The following ANK3 variants were observed in gnomAD, a reference collection of about 807,000 sequenced individuals.
The protein encoded by ANK3 is ankyrin 3.
A neutral mutation model predicts 370.9 loss-of-function variants in ANK3; 57 were observed. That is an observed-to-expected ratio of 0.15 (90% CI 0.12 to 0.19). ANK3 has a LOEUF of 0.19. Ranked by LOEUF, ANK3 falls within the 10% of genes least tolerant of loss-of-function variation. The probability of loss-of-function intolerance (pLI) is 1.00; values close to 1 mark genes in which losing one functional copy is unlikely to be tolerated. For missense variants in ANK3, 4,439 were observed against 5,302.1 expected (o/e 0.84, Z 5.06); for synonymous variants, 1,929 against 1,946.3 (o/e 0.99, Z 0.23).
At chr10:60,588,788 T>C (rs924323571) in intron 2 of ANK3, among the ~76,000 whole-genome samples, 1 of 152,060 alleles carries the variant, frequency 6.6e-6, no homozygotes, top group Non-Finnish European at 1.5e-5. Context: ...TGCATGCCTA[T>C]AGTCCCAGCT....
At chr10:60,479,571 C>G (rs1358314083) in intron 2 of ANK3, among the ~76,000 whole-genome samples, 1 of 152,012 alleles carries the variant, frequency 6.6e-6, no homozygotes, top group South Asian at 2.1e-4. Flanking sequence ...TTTTGAAATC[C>G]TAAAATCAAA....
chr10:60,144,804 A>G (rs1419212678), intron 23 of ANK3, among the ~76,000 whole-genome samples: 2 of 152,198 alleles, frequency 1.3e-5, no homozygotes, highest in African/African-American at 4.8e-5. Context: ...TTCCAAGTCA[A>G]TGGTCCAGTA....
chr10:60,379,391 G>A (rs2061253500), intron 1 of ANK3, among the ~76,000 whole-genome samples: 1 of 152,060 alleles, frequency 6.6e-6, no homozygotes, highest in South Asian at 2.1e-4. Context: ...AATAAAATCA[G>A]TATGTTGAAA....
Position 60,172,355 on chromosome 10 carries a change from C to A in ANK3, c.2431G>T (p.Val811Leu). Residue 811 changes from valine (V) to leucine (L), a missense_variant, in exon 21 of 44, where the codon GTA (valine) becomes TTA (leucine). Physicochemically the swap from Val to Leu is conservative, Grantham distance 32 (BLOSUM62 1). Transcript: ENST00000280772. ...GIARRLGYIS[V>L]VDTLKIVTEE... ...GTCACTATCTTCAGGGTGTCCACTACTGAGATGTAGCCGAGGCGCCGGGCA... is the reference window on the plus strand; with the variant it reads ...GTCACTATCTTCAGGGTGTCCACTAATGAGATGTAGCCGAGGCGCCGGGCA... 1 of 1,614,046 alleles carries A rather than the reference C, an allele frequency of 6.2e-7. No homozygotes were observed. Among genetic ancestry groups the A allele is most frequent in the South Asian group, 1.1e-5 (1 of 91,080 alleles).
In ANK3 at chr10:60,377,380, CCTAGA is replaced by C. The variant is rs1454482943; in HGVS notation, c.114+12040_114+12044del. 2.6e-5 allele frequency among the ~76,000 whole-genome samples: 4 copies of C among 152,166 alleles called. No individual in the cohort carries two copies. In the East Asian group the frequency reaches 7.7e-4, roughly 29 times the overall value. On this transcript the variant is annotated intron_variant, in intron 1 of 43. Transcript: ENST00000280772. The stretch of plus-strand genomic sequence containing the variant: ...TTATGATTTTGACAAATGTTGCTTC[CCTAGA>C]CTATTGTAAATACACAGTGCCAATA...
intron 38 of ANK3, among the ~76,000 whole-genome samples, chr10:60,066,414 A>G (rs1262441739): frequency 6.6e-6 from 1 of 152,346 alleles, no homozygotes; most frequent in African/African-American, 2.4e-5. Flanking sequence ...GTTAAAATAT[A>G]AAGTTGATAT....
At chr10:60,649,036 G>C (rs962585651) in intron 1 of ANK3, among the ~76,000 whole-genome samples, 1 of 152,050 alleles carries the variant, frequency 6.6e-6, no homozygotes, top group Non-Finnish European at 1.5e-5. Flanking sequence ...CGAGTATAAA[G>C]GGACATAATG....
chr10:60,163,142 T>C (rs968397075), intron 23 of ANK3, among the ~76,000 whole-genome samples: 1 of 152,008 alleles, frequency 6.6e-6, no homozygotes, highest in Non-Finnish European at 1.5e-5. Flanking sequence ...TTCTTTCTTC[T>C]ATACACACAC....
chr10:60,246,255 C>CAAAAAAAAAAAAAAAAAAAAA (rs869144298), intron 7 of ANK3, among the ~76,000 whole-genome samples: 1 of 92,704 alleles, frequency 1.1e-5, no homozygotes, highest in African/African-American at 4.7e-5. Context: ...AACCCTGTAT[C>CAAAAAAAAAAAAAAAAAAAAA]AAAAAAAAAA....
intron 1 of ANK3, among the ~76,000 whole-genome samples, chr10:60,309,014 C>T (rs752389957): frequency 2.0e-5 from 3 of 152,174 alleles, no homozygotes; most frequent in Non-Finnish European, 4.4e-5. Context: ...TATCCTGCTC[C>T]CCTTCCTTAA....
intron 5 of ANK3, among the ~76,000 whole-genome samples, chr10:60,267,056 A>C (rs540828624): frequency 5.3e-5 from 8 of 152,208 alleles, no homozygotes; most frequent in Non-Finnish European, 1.2e-4. Flanking sequence ...AATTATACTT[A>C]AGTCTTGCTA....
intron 2 of ANK3, among the ~76,000 whole-genome samples, chr10:60,552,640 T>A (rs903212213): frequency 6.6e-6 from 1 of 152,190 alleles, no homozygotes; most frequent in Non-Finnish European, 1.5e-5. Flanking sequence ...GTCTTGGAAA[T>A]TTGCTGTATG....
At chr10:60,226,525 ATAG>A (rs1380958404) in intron 8 of ANK3, among the ~76,000 whole-genome samples, 4 of 57,056 alleles carry the variant, frequency 7.0e-5, no homozygotes, top group Admixed American at 1.9e-4. Context: ...TATATATACT[ATAG>A]TATATATACA....
At chr10:60,154,709 C>T (rs2095272008) in intron 23 of ANK3, among the ~76,000 whole-genome samples, 1 of 152,140 alleles carries the variant, frequency 6.6e-6, no homozygotes, top group South Asian at 2.1e-4. Flanking sequence ...GCAGGAGAAT[C>T]ACTTGAACCT....
rs1368041859 is a variant in ANK3, at chr10:60,135,761, G to A, written c.2739-1388C>T. On this transcript the variant is annotated intron_variant, in intron 24 of 43. Transcript: ENST00000280772. ...AAACAATTTCTTTTCCCCACTGCCT[G>A]CTATACTAAAGAAAATCAGAAAGTG... Among the ~76,000 whole-genome samples, 3 of 152,222 alleles carry A rather than the reference G, an allele frequency of 2.0e-5. No homozygotes were observed. In the East Asian group the frequency reaches 5.8e-4, roughly 29 times the overall value.
At chr10:60,418,244 A>G (rs1465674934) in intron 2 of ANK3, among the ~76,000 whole-genome samples, 1 of 151,938 alleles carries the variant, frequency 6.6e-6, no homozygotes, top group Non-Finnish European at 1.5e-5. Context: ...AGCTTCCCCA[A>G]CTCTGACTTC....
At position 60,139,066 on chromosome 10, in the gene ANK3, T is replaced by A; in HGVS notation, c.2636A>T (p.Asp879Val). The A allele has an allele frequency of 1.2e-6, 2 of 1,613,612 alleles. No individual in the cohort carries two copies. The highest frequency in any genetic ancestry group is 1.7e-6 in the Non-Finnish European group (2 of 1,179,762). The change falls in exon 24 of 44, where the codon GAC becomes GTC. Residue 879 changes from aspartate (D) to valine (V), a missense_variant. Coordinates refer to ENST00000280772, the MANE Select transcript of ANK3 (RefSeq NM_020987.5). ...VEEGEDAMTG[D>V]TDKYLGPQDL... ...CTGTGGCCCAAGATATTTGTCTGTG[T>A]CCCCGGTCATTGCATCTTCACCTGC...
intron 1 of ANK3, among the ~76,000 whole-genome samples, chr10:60,730,336 T>G (rs940319013): frequency 1.3e-5 from 2 of 152,096 alleles, no homozygotes; most frequent in African/African-American, 4.8e-5. Context: ...TTTTTCATTT[T>G]CTGTAGACAC....
intron 2 of ANK3, among the ~76,000 whole-genome samples, chr10:60,612,818 T>C (rs1416641413): frequency 6.6e-6 from 1 of 152,338 alleles, no homozygotes; most frequent in East Asian, 1.9e-4. Context: ...CATTTCAGCC[T>C]GGTATTCCCA....
Sources: allele counts gnomAD v4.1 joint callset (sites outside exome capture counted in the v4.1 genomes callset), GRCh38; gene constraint gnomAD v4.1.1; transcripts MANE v1.5; gene names NCBI Gene and HGNC (gene_info 2026-07-23, HGNC 2026-07-21).